The following PRIM2 variants were observed in gnomAD, a reference collection of about 807,000 sequenced individuals.
PRIM2 encodes the protein DNA primase large subunit.
In PRIM2, 39 loss-of-function variants were observed where a neutral mutation model predicts 67.3. The observed-to-expected ratio is 0.58, with a 90% CI of 0.45 to 0.76. PRIM2 has a LOEUF of 0.76. Among genes scored for constraint, PRIM2 ranks in the 30% least tolerant of loss-of-function variants. The pLI is 0.00. For synonymous variants in PRIM2, 143 were observed against 198.7 expected (o/e 0.72, Z 2.36); for missense variants, 398 against 598.7 (o/e 0.66, Z 3.50).
intron 10 of PRIM2, among the ~76,000 whole-genome samples, chr6:57,568,706 G>T (rs1262944040): frequency 6.6e-6 from 1 of 152,206 alleles, no homozygotes; most frequent in Non-Finnish European, 1.5e-5. Flanking sequence ...CAACCATGTG[G>T]TTAAATGTGA....
the PRIM2 span, among the ~76,000 whole-genome samples, chr6:57,241,408 TA>T: frequency 6.6e-6 from 1 of 151,102 alleles, no homozygotes; most frequent in Non-Finnish European, 1.5e-5. Flanking sequence ...GACCCTGTTT[TA>T]AAAAATAAAA....
intron 7 of PRIM2, among the ~76,000 whole-genome samples, chr6:57,489,741 A>G (rs1773846883): frequency 6.6e-6 from 1 of 152,264 alleles, no homozygotes; most frequent in Non-Finnish European, 1.5e-5. Flanking sequence ...CCTTCTCCCA[A>G]AACTAACCAT....
chr6:57,292,698 AT>A, the PRIM2 span, among the ~76,000 whole-genome samples: 12 of 152,314 alleles, frequency 7.9e-5, no homozygotes, highest in East Asian at 2.3e-3. Context: ...ATCTACAGCC[AT>A]CTGATCTTTA....
At chr6:57,588,136 A>G (rs1445559343) in intron 10 of PRIM2, among the ~76,000 whole-genome samples, 2 of 152,180 alleles carry the variant, frequency 1.3e-5, no homozygotes, top group African/African-American at 4.8e-5. Flanking sequence ...GGACATAGAC[A>G]TGAAGAGGAA....
the PRIM2 span, among the ~76,000 whole-genome samples, chr6:57,285,840 T>C: frequency 6.6e-6 from 1 of 152,208 alleles, no homozygotes; most frequent in African/African-American, 2.4e-5. Flanking sequence ...GATGACATGA[T>C]TGTATATTTA....
At chr6:57,630,493 C>T (rs1349462505) in intron 12 of PRIM2, among the ~76,000 whole-genome samples, 2 of 151,700 alleles carry the variant, frequency 1.3e-5, no homozygotes, top group South Asian at 2.1e-4. Context: ...GTTTTTTACA[C>T]GTGTGGATTA....
chr6:57,371,854 T>C (rs1056518672), intron 5 of PRIM2, among the ~76,000 whole-genome samples: 19 of 152,232 alleles, frequency 1.2e-4, no homozygotes, highest in Admixed American at 5.2e-4. Flanking sequence ...CTCAGATATT[T>C]TCTGCATTGT....
intron 7 of PRIM2, among the ~76,000 whole-genome samples, chr6:57,416,972 CTTTTTTT>C (rs377078433): frequency 4.2e-5 from 6 of 144,420 alleles, no homozygotes; most frequent in South Asian, 2.2e-4. Context: ...TTCTTTTTTT[CTTTTTTT>C]TTTTTGAGAC....
At chr6:57,595,882 T>C (rs1431074434) in intron 10 of PRIM2, among the ~76,000 whole-genome samples, 30 of 152,068 alleles carry the variant, frequency 2.0e-4, no homozygotes, top group Non-Finnish European at 3.8e-4. Context: ...TATTAACTCA[T>C]TTTTCAGCCC....
intron 9 of PRIM2, among the ~76,000 whole-genome samples, chr6:57,536,055 C>T (rs1296674436): frequency 6.6e-6 from 1 of 152,046 alleles, no homozygotes; most frequent in African/African-American, 2.4e-5. Context: ...CTAGTTAGTT[C>T]TAGATATAGA....
chr6:57,449,926 CTG>C (rs578218363), intron 7 of PRIM2, among the ~76,000 whole-genome samples: 32 of 152,208 alleles, frequency 2.1e-4, no homozygotes, highest in Middle Eastern at 3.4e-3. Flanking sequence ...AAAATTCAGA[CTG>C]TGTCACTCTC....
At chr6:57,276,570 G>C in the PRIM2 span, among the ~76,000 whole-genome samples, 1 of 151,966 alleles carries the variant, frequency 6.6e-6, no homozygotes, top group Non-Finnish European at 1.5e-5. Flanking sequence ...ATATATAGGA[G>C]CTTCAATTTT....
intron 7 of PRIM2, among the ~76,000 whole-genome samples, chr6:57,395,115 G>A (rs1474893206): frequency 3.9e-5 from 6 of 152,116 alleles, no homozygotes; most frequent in Admixed American, 1.3e-4. Flanking sequence ...ATATCAGTCT[G>A]TAGTTTTCTT....
chr6:57,471,163 A>G (rs1457818757), intron 7 of PRIM2, among the ~76,000 whole-genome samples: 2 of 151,954 alleles, frequency 1.3e-5, no homozygotes, highest in East Asian at 3.9e-4. Context: ...TCCAGGGACC[A>G]TCTGGTTTGG....
At chr6:57,296,422 G>A in the PRIM2 span, among the ~76,000 whole-genome samples, 1 of 102,502 alleles carries the variant, frequency 9.8e-6, no homozygotes, top group East Asian at 4.8e-4. Flanking sequence ...GGATCTCACT[G>A]TTGGAGAAAA....
chr6:57,635,966 A>G (rs1178177840), intron 13 of PRIM2, among the ~76,000 whole-genome samples: 2 of 152,176 alleles, frequency 1.3e-5, no homozygotes, highest in Non-Finnish European at 2.9e-5. Context: ...AAAATTTATA[A>G]TGTATCCTCT....
intron 10 of PRIM2, among the ~76,000 whole-genome samples, chr6:57,589,773 A>G (rs1157294509): frequency 6.6e-6 from 1 of 152,196 alleles, no homozygotes; most frequent in African/African-American, 2.4e-5. Context: ...TATTAGAACT[A>G]TAGCGGCAAA....
chr6:57,255,369 G>A, the PRIM2 span, among the ~76,000 whole-genome samples: 1 of 151,964 alleles, frequency 6.6e-6, no homozygotes, highest in Non-Finnish European at 1.5e-5. Context: ...ATGGTGGCGG[G>A]CACCTGTAGT....
the PRIM2 span, among the ~76,000 whole-genome samples, chr6:57,240,996 G>A: frequency 3.3e-5 from 5 of 151,932 alleles, no homozygotes; most frequent in East Asian, 9.7e-4. Flanking sequence ...AGGCTGAGGT[G>A]GGCAGATCAC....
Sources: gnomAD v4.1 joint callset for allele counts (sites outside exome capture counted in the v4.1 genomes callset) on GRCh38, gnomAD v4.1.1 for gene constraint, MANE v1.5 for transcripts, NCBI Gene and HGNC (gene_info 2026-07-23, HGNC 2026-07-21) for gene names.